IMPG1: variants seen among roughly 807,000 people sequenced by gnomAD.
IMPG1 encodes the protein interphotoreceptor matrix proteoglycan 1.
IMPG1 carries 85 observed loss-of-function variants against 92.0 expected under a neutral mutation model. The observed-to-expected ratio is 0.92, with a 90% CI of 0.78 to 1.11. IMPG1 has a LOEUF of 1.11. Among genes scored for constraint, IMPG1 ranks in the 50% least tolerant of loss-of-function variants. The pLI is 0.00. For missense variants in IMPG1, 1,022 were observed against 956.0 expected (o/e 1.07, Z -0.91); for synonymous variants, 367 against 334.1 (o/e 1.10, Z -1.08).
At chr6:76,057,962 C>T (rs1784147487) in intron 1 of IMPG1, among the ~76,000 whole-genome samples, 1 of 135,542 alleles carries the variant, frequency 7.4e-6, no homozygotes. Context: ...TAAAGGTGTG[C>T]TTCAGTAAAA....
rs1048226901 is a variant in IMPG1 at position 75,991,524 on chromosome 6, C to T, written c.1291+11394G>A. Among the ~76,000 whole-genome samples the T allele has an allele frequency of 5.9e-5, 9 of 152,274 alleles. No individual in the cohort carries two copies. The East Asian group carries it at 1.2e-3, about 20-fold the overall frequency. On this transcript the variant is annotated intron_variant, in intron 12 of 16. Transcript: ENST00000369950. ...TTGCAGCTATGAAAACACCATGTCT[C>T]GATCACTTGAGAAGTGATTAATGGG...
chr6:76,018,307 G>GTC (rs994638029), intron 7 of IMPG1, among the ~76,000 whole-genome samples: 4 of 152,226 alleles, frequency 2.6e-5, no homozygotes, highest in African/African-American at 7.2e-5. Context: ...TGTGAATGTG[G>GTC]TCTCTCTCTC....
chr6:75,928,939 C>A lies in IMPG1; in HGVS notation c.2243+2014G>T, dbSNP rs529564301. Among the ~76,000 whole-genome samples, 104 of 152,286 alleles carry A rather than the reference C, an allele frequency of 6.8e-4. 1 individual carries two copies. The South Asian group carries it at 0.02, about 30-fold the overall frequency. On this transcript the variant is annotated intron_variant, in intron 15 of 16. Coordinates refer to ENST00000369950, the MANE Select transcript of IMPG1 (RefSeq NM_001563.4). The stretch of plus-strand genomic sequence containing the variant: ...TGATATGTTATTTTTCCGTCTATGG[C>A]AGCTCCAGTAGAGTTATATATATTA...
intron 2 of IMPG1, among the ~76,000 whole-genome samples, chr6:76,036,009 T>C (rs367612970): frequency 6.6e-6 from 1 of 152,206 alleles, no homozygotes; most frequent in East Asian, 1.9e-4. Flanking sequence ...ATTATTGGCA[T>C]ATAATGACAA....
intron 12 of IMPG1, among the ~76,000 whole-genome samples, chr6:75,993,577 G>A (rs909370156): frequency 2.0e-5 from 3 of 151,946 alleles, no homozygotes; most frequent in Non-Finnish European, 4.4e-5. Context: ...ATAAGGGCTC[G>A]GCCCTCATGA....
intron 12 of IMPG1, among the ~76,000 whole-genome samples, chr6:75,980,291 G>C (rs979062815): frequency 6.6e-6 from 1 of 152,152 alleles, no homozygotes; most frequent in Non-Finnish European, 1.5e-5. Flanking sequence ...TTAAACATGA[G>C]GTTTAAAGGT....
chr6:75,926,712 G>A (rs997283529), intron 15 of IMPG1, among the ~76,000 whole-genome samples: 16 of 150,414 alleles, frequency 1.1e-4, no homozygotes, highest in African/African-American at 3.7e-4. Context: ...AGTAATAAAA[G>A]CCTAACTGAT....
intron 4 of IMPG1, among the ~76,000 whole-genome samples, chr6:76,034,068 G>C (rs935999536): frequency 1.3e-5 from 2 of 152,084 alleles, no homozygotes; most frequent in African/African-American, 4.8e-5. Flanking sequence ...ATATCACATA[G>C]CAATAAATTC....
chr6:76,034,433 C>T, intron 3 of IMPG1, 90 bp from the exon 4 acceptor site: 1 of 1,313,354 alleles, frequency 7.6e-7, no homozygotes, highest in Middle Eastern at 1.8e-4. Context: ...TCTCCCTTAA[C>T]CTACACTTCA....
chr6:76,043,836 T>G (rs1408302614), intron 1 of IMPG1, among the ~76,000 whole-genome samples: 1 of 152,212 alleles, frequency 6.6e-6, no homozygotes, highest in South Asian at 2.1e-4. Context: ...TCCCTTCATG[T>G]GGTGATGTCA....
At chr6:75,940,831 C>T (rs537562453) in intron 14 of IMPG1, among the ~76,000 whole-genome samples, 3 of 152,268 alleles carry the variant, frequency 2.0e-5, no homozygotes, top group South Asian at 2.1e-4. Context: ...CTGGCACTCC[C>T]AGAAATGTCT....
At chr6:76,061,890 C>A (rs1376591300) in intron 1 of IMPG1, among the ~76,000 whole-genome samples, 1 of 152,160 alleles carries the variant, frequency 6.6e-6, no homozygotes, top group Non-Finnish European at 1.5e-5. Flanking sequence ...AGCTCTTCAA[C>A]TGTCTTTTTT....
At chr6:76,011,891 C>T (rs1232885247) in intron 7 of IMPG1, among the ~76,000 whole-genome samples, 1 of 151,806 alleles carries the variant, frequency 6.6e-6, no homozygotes, top group African/African-American at 2.4e-5. Context: ...CAATTTCATC[C>T]ATGTCCCTAC....
intron 12 of IMPG1, among the ~76,000 whole-genome samples, chr6:75,990,586 T>A (rs1193957640): frequency 2.2e-5 from 2 of 92,336 alleles, no homozygotes; most frequent in African/African-American, 8.6e-5. Context: ...AGACCCCACC[T>A]CTACACACAC....
Position 76,025,189 on chromosome 6 carries a change from C to G in IMPG1, c.562+5G>C. On this transcript the variant is annotated splice_donor_5th_base_variant and intron_variant, in intron 5 of 16. Coordinates refer to ENST00000369950, the MANE Select transcript of IMPG1 (RefSeq NM_001563.4). ...GAGAAGCAAAGAAATTAGATCTAAG[C>G]TTACCTGTTGAAATGACAATGGTTT... The G allele has an allele frequency of 6.4e-7, 1 of 1,566,362 alleles. No individual in the cohort carries two copies. Among genetic ancestry groups the G allele is most frequent in the East Asian group, 2.2e-5 (1 of 44,476 alleles).
chr6:75,959,469 G>GC (rs1048293028), intron 12 of IMPG1, among the ~76,000 whole-genome samples: 5 of 152,144 alleles, frequency 3.3e-5, no homozygotes, highest in African/African-American at 1.2e-4. Flanking sequence ...TGCATCCACA[G>GC]CCCCCCCTTC....
At chr6:76,035,018 G>A (rs113424477) in intron 2 of IMPG1, among the ~76,000 whole-genome samples, 39 of 150,538 alleles carry the variant, frequency 2.6e-4, no homozygotes, top group Non-Finnish European at 3.7e-4. Flanking sequence ...GTGTGTGTGC[G>A]TGTGTGTGTG....
At chr6:75,964,371 A>T (rs930623082) in intron 12 of IMPG1, among the ~76,000 whole-genome samples, 1 of 152,160 alleles carries the variant, frequency 6.6e-6, no homozygotes, top group Non-Finnish European at 1.5e-5. Flanking sequence ...ATGTTATGTG[A>T]ATTTTATCTC....
chr6:76,009,354 T>A, intron 8 of IMPG1, among the ~76,000 whole-genome samples: 1 of 152,194 alleles, frequency 6.6e-6, no homozygotes, highest in African/African-American at 2.4e-5. Flanking sequence ...AAGTCACTGA[T>A]AAAAAAGTAC....
Sources: allele counts gnomAD v4.1 joint callset (sites outside exome capture counted in the v4.1 genomes callset), GRCh38; gene constraint gnomAD v4.1.1; transcripts MANE v1.5; gene names NCBI Gene and HGNC (gene_info 2026-07-23, HGNC 2026-07-21).